PRKN: variants seen among roughly 807,000 people sequenced by gnomAD.
The protein encoded by PRKN is E3 ubiquitin-protein ligase parkin.
A neutral mutation model predicts 59.5 loss-of-function variants in PRKN; 56 were observed. The observed-to-expected ratio is 0.94, with a 90% CI of 0.76 to 1.18. The LOEUF (loss-of-function observed/expected upper bound fraction) is 1.18. PRKN is among the 50% of genes most tolerant of loss of function. PRKN has a pLI of 0.00. For synonymous variants in PRKN, 250 were observed against 222.1 expected, an observed-to-expected ratio of 1.13 and a Z score of -1.12; for missense variants, 657 against 596.4, an observed-to-expected ratio of 1.10 and a Z score of -1.06.
intron 2 of PRKN, among the ~76,000 whole-genome samples, chr6:162,358,844 G>T (rs1410567087): frequency 6.6e-6 from 1 of 151,906 alleles, no homozygotes; most frequent in Non-Finnish European, 1.5e-5. Flanking sequence ...TGGATCACTT[G>T]AAGTCAGGAG....
At chr6:162,589,981 T>G (rs971402626) in intron 1 of PRKN, among the ~76,000 whole-genome samples, 3 of 152,188 alleles carry the variant, frequency 2.0e-5, no homozygotes, top group African/African-American at 7.2e-5. Context: ...ATAAAAGGGC[T>G]AACTCGTTGG....
At chr6:162,684,638 G>A (rs1328312218) in intron 1 of PRKN, among the ~76,000 whole-genome samples, 1 of 152,092 alleles carries the variant, frequency 6.6e-6, no homozygotes, top group East Asian at 1.9e-4. Flanking sequence ...ACAAAATAGA[G>A]ACACTGAGAA....
intron 7 of PRKN, among the ~76,000 whole-genome samples, chr6:161,777,659 T>G (rs111659937): frequency 7.5e-6 from 1 of 133,250 alleles, no homozygotes; most frequent in African/African-American, 2.8e-5. Flanking sequence ...TATATATATA[T>G]TATATATATG....
chr6:162,452,187 T>G (rs1312351871), intron 1 of PRKN, among the ~76,000 whole-genome samples: 1 of 152,144 alleles, frequency 6.6e-6, no homozygotes, highest in Non-Finnish European at 1.5e-5. Flanking sequence ...AATAAAGATA[T>G]TTTAAGATTA....
At chr6:162,021,201 A>C (rs1439500472) in intron 5 of PRKN, among the ~76,000 whole-genome samples, 1 of 142,020 alleles carries the variant, frequency 7.0e-6, no homozygotes, top group Non-Finnish European at 1.5e-5. Flanking sequence ...TATATAATAT[A>C]TATAATATAT....
intron 1 of PRKN, among the ~76,000 whole-genome samples, chr6:162,469,350 A>AG (rs1425257566): frequency 4.2e-3 from 40 of 9,480 alleles, no homozygotes; most frequent in African/African-American, 5.2e-3. Context: ...GGGGGGTTGC[A>AG]GGGGGGGGTG....
At chr6:161,627,793 G>A (rs1400047454) in intron 7 of PRKN, among the ~76,000 whole-genome samples, 1 of 152,170 alleles carries the variant, frequency 6.6e-6, no homozygotes, top group Non-Finnish European at 1.5e-5. Flanking sequence ...AACTCTCAGT[G>A]TATTTCTGCT....
chr6:162,366,655 C>A (rs906499167), intron 2 of PRKN, among the ~76,000 whole-genome samples: 1 of 152,002 alleles, frequency 6.6e-6, no homozygotes, highest in African/African-American at 2.4e-5. Flanking sequence ...CCTGTAATCC[C>A]AGCACTTTGG....
Position 162,358,716 on chromosome 6 carries a change from A to G in PRKN, c.171+84594T>C, listed in dbSNP as rs140638444. On this transcript the variant is annotated intron_variant, in intron 2 of 11. Transcript: ENST00000366898. ...ATATCATAAAGTGTCTCCTATCCCTATCTTATCATTTTAGATTTTTTTCTC... is the reference window on the plus strand; with the variant it reads ...ATATCATAAAGTGTCTCCTATCCCTGTCTTATCATTTTAGATTTTTTTCTC... Among the ~76,000 whole-genome samples the G allele has an allele frequency of 1.3e-3, 196 of 152,126 alleles. 1 individual carries two copies. The highest frequency in any genetic ancestry group is 4.5e-3 in the African/African-American group (187 of 41,488).
intron 3 of PRKN, among the ~76,000 whole-genome samples, chr6:162,207,946 T>C (rs1455133034): frequency 6.6e-6 from 1 of 152,154 alleles, no homozygotes; most frequent in Non-Finnish European, 1.5e-5. Context: ...CCATGATCAT[T>C]CAATATCTAG....
At chr6:162,216,551 A>AC (rs1464273914) in intron 3 of PRKN, among the ~76,000 whole-genome samples, 2 of 150,654 alleles carry the variant, frequency 1.3e-5, no homozygotes, top group South Asian at 2.1e-4. Flanking sequence ...AAAAAAAAAA[A>AC]AAAAAAAAAA....
At chr6:161,493,547 A>G (rs904757202) in intron 9 of PRKN, among the ~76,000 whole-genome samples, 1 of 152,176 alleles carries the variant, frequency 6.6e-6, no homozygotes, top group African/African-American at 2.4e-5. Flanking sequence ...GGATAGATGG[A>G]CGAACGGAAG....
At chr6:162,102,707 T>C (rs1780022520) in intron 4 of PRKN, among the ~76,000 whole-genome samples, 1 of 145,450 alleles carries the variant, frequency 6.9e-6, no homozygotes, top group South Asian at 2.1e-4. Context: ...CTAGAAGAAA[T>C]AGAGGGCATG....
At chr6:162,347,577 T>C (rs1461846905) in intron 2 of PRKN, among the ~76,000 whole-genome samples, 5 of 152,112 alleles carry the variant, frequency 3.3e-5, no homozygotes, top group Non-Finnish European at 5.9e-5. Flanking sequence ...AGAGAATGTA[T>C]TATTTGTGAT....
chr6:162,528,901 G>A (rs1380151070), intron 1 of PRKN, among the ~76,000 whole-genome samples: 7 of 152,014 alleles, frequency 4.6e-5, no homozygotes, highest in African/African-American at 1.7e-4. Flanking sequence ...TTTTGGAGAC[G>A]GAGTCTTGAT....
At chr6:162,651,119 C>T (rs1778415093) in intron 1 of PRKN, among the ~76,000 whole-genome samples, 1 of 152,006 alleles carries the variant, frequency 6.6e-6, no homozygotes, top group Admixed American at 6.5e-5. Flanking sequence ...CACAATATGG[C>T]TTTGTTTGTT....
At chr6:162,456,675 A>G (rs890951442) in intron 1 of PRKN, among the ~76,000 whole-genome samples, 43 of 152,210 alleles carry the variant, frequency 2.8e-4, no homozygotes, top group African/African-American at 1.0e-3. Context: ...GGAAAAATAC[A>G]GGGTTAGGTT....
chr6:162,393,155 C>CTTTTTTTATTTTTTTTTTTTTTTTTTTT (rs1787291600), intron 2 of PRKN, among the ~76,000 whole-genome samples: 1 of 80,190 alleles, frequency 1.2e-5, no homozygotes, highest in Non-Finnish European at 2.3e-5. Context: ...ATAGGAGATT[C>CTTTTTTTATTTTTTTTTTTTTTTTTTTT]TTTTTTTTTT....
At chr6:161,640,609 T>C (rs1282007478) in intron 7 of PRKN, among the ~76,000 whole-genome samples, 3 of 152,160 alleles carry the variant, frequency 2.0e-5, no homozygotes, top group Non-Finnish European at 4.4e-5. Flanking sequence ...CTGGCAGCAG[T>C]GGTCGACATC....
Sources: gnomAD v4.1 joint callset for allele counts (sites outside exome capture counted in the v4.1 genomes callset) on GRCh38, gnomAD v4.1.1 for gene constraint, MANE v1.5 for transcripts, NCBI Gene and HGNC (gene_info 2026-07-23, HGNC 2026-07-21) for gene names.